The following DOCK1 variants were observed in gnomAD, a reference collection of about 807,000 sequenced individuals.
DOCK1 encodes the protein dedicator of cytokinesis 1.
A neutral mutation model predicts 262.7 loss-of-function variants in DOCK1; 138 were observed. That is an observed-to-expected ratio of 0.53 (90% CI 0.46 to 0.61). DOCK1 has a LOEUF of 0.61. Ranked by LOEUF, DOCK1 falls within the 20% of genes least tolerant of loss-of-function variation. DOCK1 has a pLI of 0.00. For missense variants in DOCK1, 1,908 were observed against 2,370.7 expected, an observed-to-expected ratio of 0.80 and a Z score of 4.05; for synonymous variants, 866 against 867.4, an observed-to-expected ratio of 1.00 and a Z score of 0.03.
intron 29 of DOCK1, among the ~76,000 whole-genome samples, chr10:127,312,994 T>C (rs139145673): frequency 1.4e-4 from 22 of 152,282 alleles, no homozygotes; most frequent in African/African-American, 4.8e-4. Context: ...CATTGAGGCC[T>C]TGGCTCCCTG....
At chr10:127,204,147 G>T (rs925548801) in intron 27 of DOCK1, among the ~76,000 whole-genome samples, 4 of 152,174 alleles carry the variant, frequency 2.6e-5, no homozygotes, top group African/African-American at 9.6e-5. Flanking sequence ...GATTGAGAGG[G>T]GAAAGGGAAG....
rs1424659168 is a variant in DOCK1 at position 126,930,990 on chromosome 10, A to G, written c.46+25427A>G. ...CTGCAAGGGCCCATCTCCCCTGCCC[A>G]TGGGCAGTGCCAGCATCAGATTCCC... On this transcript the variant is annotated intron_variant, in intron 1 of 51. Transcript: ENST00000623213. Among the ~76,000 whole-genome samples, 4 of 152,254 alleles carry G rather than the reference A, an allele frequency of 2.6e-5. No individual in the cohort carries two copies. The East Asian group carries it at 5.8e-4, about 22-fold the overall frequency.
intron 50 of DOCK1, 64 bp downstream of exon 50, chr10:127,444,343 C>T: frequency 6.6e-7 from 1 of 1,513,194 alleles, no homozygotes; most frequent in South Asian, 1.4e-5. Flanking sequence ...TCACTGAAGG[C>T]TCTGAGGTTA....
chr10:126,985,348 C>T (rs537583997), intron 4 of DOCK1, among the ~76,000 whole-genome samples: 1 of 152,282 alleles, frequency 6.6e-6, no homozygotes, highest in African/African-American at 2.4e-5. Flanking sequence ...CCCTATGAGG[C>T]AGGCATTATT....
At chr10:127,003,801 A>T (rs1296803104) in intron 10 of DOCK1, among the ~76,000 whole-genome samples, 3 of 152,086 alleles carry the variant, frequency 2.0e-5, no homozygotes, top group African/African-American at 7.2e-5. Context: ...GAAAAATAAA[A>T]AAATTAGCCA....
In DOCK1 at chr10:127,012,370, G is replaced by A. The variant is rs2041523972; in HGVS notation, c.1197G>A (p.Gly399=). The change falls in exon 12 of 52, where the codon GGG becomes GGA. Residue 399 remains glycine (G), a synonymous_variant. Coordinates refer to ENST00000623213, the MANE Select transcript of DOCK1 (RefSeq NM_001290223.2). This position sits in a 1 kb window ranked among gnomAD's most constrained non-coding sequence, Gnocchi z 4.0. ...CTGCCAAAGAAGTCAACCACAAGGG[G>A]CAGGGTACGTATTTTCCTATTTTGT... ...VIAAKEVNHK[G]QGLWVTLKLL... 1 of 1,613,938 alleles carries A rather than the reference G, an allele frequency of 6.2e-7. No homozygotes were observed. The highest frequency in any genetic ancestry group is 8.5e-7 in the Non-Finnish European group (1 of 1,179,836).
chr10:127,116,457 G>A (rs543534063), intron 25 of DOCK1, among the ~76,000 whole-genome samples: 1 of 152,148 alleles, frequency 6.6e-6, no homozygotes, highest in African/African-American at 2.4e-5. Context: ...CACTTACTGG[G>A]ACTAGCTATT....
rs773878631 is a variant in DOCK1 at position 127,403,155 on chromosome 10, A to T, written c.4017+11A>T. The T allele has an allele frequency of 1.8e-5, 29 of 1,587,848 alleles. No individual in the cohort carries two copies. Among genetic ancestry groups the T allele is most frequent in the East Asian group, 4.5e-5 (2 of 43,980 alleles). The stretch of plus-strand genomic sequence containing the variant: ...CTCAGCGAATTGCTGGTGAGTCTTT[A>T]TTTCTTTTTATTTAAATGAACACAG... On this transcript the variant is annotated intron_variant, in intron 39 of 51. Coordinates refer to ENST00000623213, the MANE Select transcript of DOCK1 (RefSeq NM_001290223.2).
intron 29 of DOCK1, among the ~76,000 whole-genome samples, chr10:127,282,121 G>A (rs996466968): frequency 5.3e-5 from 8 of 152,200 alleles, no homozygotes; most frequent in African/African-American, 9.7e-5. Context: ...TGTGGGTTGC[G>A]GGTTGGACAA....
At chr10:127,179,717 G>A (rs995683278) in intron 27 of DOCK1, among the ~76,000 whole-genome samples, 3 of 152,144 alleles carry the variant, frequency 2.0e-5, no homozygotes, top group African/African-American at 7.2e-5. Context: ...ATTCTACAGA[G>A]GACTTTCCCT....
At chr10:127,199,156 T>A (rs61874037) in intron 27 of DOCK1, among the ~76,000 whole-genome samples, 2,314 of 152,284 alleles carry the variant, frequency 0.015, 17 homozygotes, top group Non-Finnish European at 0.024. Context: ...AAGATAGACT[T>A]GCAAAGGAGA....
At chr10:127,101,788 G>A (rs1354939486) in intron 23 of DOCK1, among the ~76,000 whole-genome samples, 21 of 152,188 alleles carry the variant, frequency 1.4e-4, no homozygotes, top group Admixed American at 1.2e-3. Context: ...TGCTACAGGC[G>A]GTTGATGCTT....
intron 1 of DOCK1, among the ~76,000 whole-genome samples, chr10:126,918,605 A>G (rs369713631): frequency 1.3e-5 from 2 of 152,246 alleles, no homozygotes; most frequent in East Asian, 3.9e-4. Flanking sequence ...CCAGCTCTGT[A>G]TGTTCTTCAG....
intron 21 of DOCK1, among the ~76,000 whole-genome samples, chr10:127,049,471 C>A (rs1188563057): frequency 2.6e-5 from 4 of 151,928 alleles, no homozygotes; most frequent in Admixed American, 6.6e-5. Context: ...CAGTGAGCCA[C>A]GATCACGCTA....
chr10:127,123,760 A>G (rs2049765731), intron 25 of DOCK1, among the ~76,000 whole-genome samples: 1 of 152,090 alleles, frequency 6.6e-6, no homozygotes, highest in African/African-American at 2.4e-5. Flanking sequence ...AGTCTCCTAC[A>G]CGGGCAGCCC....
intron 1 of DOCK1, among the ~76,000 whole-genome samples, chr10:126,928,304 C>T (rs915358458): frequency 0.011 from 1,618 of 152,258 alleles, 36 homozygotes; most frequent in African/African-American, 0.037. Flanking sequence ...TGCTGAGAGC[C>T]GTGTCCACGG....
intron 22 of DOCK1, among the ~76,000 whole-genome samples, chr10:127,058,651 ATAT>A (rs1375835179): frequency 2.6e-5 from 4 of 150,972 alleles, no homozygotes; most frequent in Non-Finnish European, 5.9e-5. Flanking sequence ...ATTTTTAAAC[ATAT>A]TATTTGAATA....
At chr10:127,332,950 G>A (rs891074061) in intron 29 of DOCK1, among the ~76,000 whole-genome samples, 2 of 152,118 alleles carry the variant, frequency 1.3e-5, no homozygotes, top group African/African-American at 4.8e-5. Flanking sequence ...CCTCTTCCCA[G>A]CATCCCTGAA....
At chr10:127,122,235 G>T (rs2049636062) in intron 25 of DOCK1, among the ~76,000 whole-genome samples, 1 of 152,122 alleles carries the variant, frequency 6.6e-6, no homozygotes, top group Admixed American at 6.5e-5. Context: ...GCCTGGGATG[G>T]GTTGCTGTGG....
Sources: allele counts gnomAD v4.1 joint callset (sites outside exome capture counted in the v4.1 genomes callset), GRCh38; gene constraint gnomAD v4.1.1; non-coding constraint Gnocchi (gnomAD v3.1); transcripts MANE v1.5; gene names NCBI Gene and HGNC (gene_info 2026-07-23, HGNC 2026-07-21).